The following PTCH1 variants were observed in gnomAD, a reference collection of about 807,000 sequenced individuals.
PTCH1 encodes protein patched homolog 1.
In PTCH1, 14 loss-of-function variants were observed where a neutral mutation model predicts 144.6. That is an observed-to-expected ratio of 0.10 (90% CI 0.06 to 0.15). PTCH1 has a LOEUF of 0.15. PTCH1 is among the 10% of genes least tolerant of loss of function. The pLI is 1.00. For synonymous variants in PTCH1, 833 were observed against 793.6 expected (o/e 1.05, Z -0.83); for missense variants, 1,623 against 1,948.3 (o/e 0.83, Z 3.14).
At position 95,508,483 on chromosome 9, in the gene PTCH1, C is replaced by T. The variant is rs980754274; in HGVS notation, c.-122G>A. 3.1e-5 allele frequency: 32 copies of T among 1,020,964 alleles called. No homozygotes were observed. In the Middle Eastern group the frequency reaches 1.4e-3, roughly 45 times the overall value. 63.2% of individuals were successfully genotyped at this position (1,020,964 alleles called of 1,614,324 possible). A position where few individuals can be genotyped will look rare whatever the true frequency, so the allele number is the denominator to read the frequency against. The stretch of plus-strand genomic sequence containing the variant: ...CTCGGCTTGCGAGGACGCTGCTGGC[C>T]GCAGGCTGCTCGGGCTCGGGCTCCG... On this transcript the variant is annotated 5_prime_UTR_variant, in exon 1 of 24. Transcript: ENST00000331920.
chr9:95,449,584 AG>A lies in PTCH1; in HGVS notation c.3549+256del, dbSNP rs36075944. 1.6e-6 allele frequency: 1 copy of A among 633,550 alleles called. No homozygotes were observed. Among genetic ancestry groups the A allele is most frequent in the East Asian group, 2.7e-5 (1 of 36,664 alleles). The allele number at this position is 633,550 out of a possible 1,614,324, so 39.2% of individuals were successfully genotyped here. A position where few individuals can be genotyped will look rare whatever the true frequency, so the allele number is the denominator to read the frequency against. On this transcript the variant is annotated intron_variant, in intron 21 of 23. Coordinates refer to ENST00000331920, the MANE Select transcript of PTCH1 (RefSeq NM_000264.5). This position sits in a 1 kb window ranked among gnomAD's most constrained non-coding sequence, Gnocchi z 5.3. ...TTGTGAAGTCCAATTATGCATCTCA[AG>A]GGGAAAGTCTTCATTTACTGTATAA... is the stretch of plus-strand genomic sequence containing the variant.
At chr9:95,494,222 C>G (rs1842643533) in intron 2 of PTCH1, 1 of 985,688 alleles carries the variant, frequency 1.0e-6, no homozygotes, top group Non-Finnish European at 1.2e-6. Context: ...ATCAGCCTTG[C>G]CCAGGCTGCT....
At chr9:95,457,527 CA>C (rs1193889242) in intron 18 of PTCH1, among the ~76,000 whole-genome samples, 3 of 152,074 alleles carry the variant, frequency 2.0e-5, no homozygotes, top group Non-Finnish European at 4.4e-5. Flanking sequence ...TGCCAAAAAA[CA>C]GGTTCGTAAT....
chr9:95,515,301 C>T (rs1215012402), intron 1 of PTCH1, among the ~76,000 whole-genome samples: 1 of 152,166 alleles, frequency 6.6e-6, no homozygotes, highest in African/African-American at 2.4e-5. Context: ...TATTTAGAGC[C>T]ACCCATTGTG....
intron 2 of PTCH1, among the ~76,000 whole-genome samples, chr9:95,491,422 T>C (rs1842401056): frequency 6.6e-6 from 1 of 152,200 alleles, no homozygotes; most frequent in Non-Finnish European, 1.5e-5. Flanking sequence ...CTCACAGGAC[T>C]GTGAGAGCCT....
At chr9:95,483,131 G>C (rs1431618040) in intron 3 of PTCH1, 1 of 151,818 alleles carries the variant, frequency 6.6e-6, no homozygotes, top group Admixed American at 6.6e-5. Flanking sequence ...TGCCAGGCGT[G>C]GTGCCACACA....
At chr9:95,500,389 G>T (rs1022529074) in intron 2 of PTCH1, among the ~76,000 whole-genome samples, 4 of 152,156 alleles carry the variant, frequency 2.6e-5, no homozygotes, top group African/African-American at 9.7e-5. Flanking sequence ...AAATATGAAA[G>T]AAATATCACA....
At chr9:95,511,636 A>G (rs974220143), upstream of PTCH1, among the ~76,000 whole-genome samples, 6 of 152,240 alleles carry the variant, frequency 3.9e-5, no homozygotes, top group Non-Finnish European at 8.8e-5. Context: ...GAGGAAAATG[A>G]CACTGAGTTG....
intron 2 of PTCH1, among the ~76,000 whole-genome samples, chr9:95,497,721 A>G (rs1438595279): frequency 6.6e-6 from 1 of 152,172 alleles, no homozygotes; most frequent in Non-Finnish European, 1.5e-5. Context: ...ATCTGACCCA[A>G]TGAAGCAACA....
rs542643294 is a variant in PTCH1 at position 95,455,576 on chromosome 9, C to T, written c.3306+700G>A. Among the ~76,000 whole-genome samples the T allele has an allele frequency of 6.6e-5, 10 of 152,286 alleles. No individual in the cohort carries two copies. The South Asian group carries it at 2.1e-3, about 32-fold the overall frequency. On this transcript the variant is annotated intron_variant, in intron 19 of 23. Transcript: ENST00000331920. Reference sequence around the variant, plus strand: ...GTATACAACAGATTTATCTCTTGGACTAAAGATTCCTTCTGAAGTTTAATT... The same window carrying T: ...GTATACAACAGATTTATCTCTTGGATTAAAGATTCCTTCTGAAGTTTAATT...
At chr9:95,516,547 T>C in exon 1 of PTCH1, 1 of 1,536,138 alleles carries the variant, frequency 6.5e-7, no homozygotes, top group Non-Finnish European at 8.7e-7. Flanking sequence ...CATCAATTCC[T>C]TTTTTTTCCC....
intron 20 of PTCH1, 157 bp from the exon 21 acceptor site, chr9:95,450,097 G>C (rs1838335357): frequency 1.4e-6 from 1 of 718,692 alleles, no homozygotes; most frequent in African/African-American, 1.8e-5. Context: ...TCAACACAAG[G>C]TGAGTTTTTG....
In PTCH1 at chr9:95,446,388, C is replaced by T. The variant is rs1307029080; in HGVS notation, c.*5G>A. Reference sequence around the variant, plus strand: ...TGGCCTCTTTGCTTCAGATTTTAATCACCCTTTAAAAGGAAGCAAAAAAGG... The same window carrying T: ...TGGCCTCTTTGCTTCAGATTTTAATTACCCTTTAAAAGGAAGCAAAAAAGG... On this transcript the variant is annotated 3_prime_UTR_variant, in exon 24 of 24. Coordinates refer to ENST00000331920, the MANE Select transcript of PTCH1 (RefSeq NM_000264.5). 3.9e-6 allele frequency: 2 copies of T among 518,726 alleles called. No homozygotes were observed. The highest frequency in any genetic ancestry group is 5.4e-5 in the East Asian group (1 of 18,364). The allele number at this position is 518,726 out of a possible 1,614,324, so 32.1% of individuals were successfully genotyped here. A position where few individuals can be genotyped will look rare whatever the true frequency, so the allele number is the denominator to read the frequency against.
chr9:95,495,428 T>C (rs79259394), intron 2 of PTCH1: 45 of 136,404 alleles, frequency 3.3e-4, no homozygotes, highest in African/African-American at 1.3e-3. Context: ...CATGTGATTC[T>C]TTTTTTTTTT....
chr9:95,496,910 C>T (rs970602423), intron 2 of PTCH1, among the ~76,000 whole-genome samples: 2 of 149,856 alleles, frequency 1.3e-5, no homozygotes, highest in Non-Finnish European at 3.0e-5. Flanking sequence ...AGTAAAGGAG[C>T]AGAGGAAATC....
chr9:95,484,315 T>C (rs1238212559), intron 3 of PTCH1: 1 of 152,206 alleles, frequency 6.6e-6, no homozygotes, highest in Admixed American at 6.5e-5. Context: ...TGATTTTACA[T>C]TTTCTAAGGC....
intron 3 of PTCH1, among the ~76,000 whole-genome samples, chr9:95,485,484 T>C (rs1841889522): frequency 6.6e-6 from 1 of 152,196 alleles, no homozygotes; most frequent in African/African-American, 2.4e-5. Context: ...CATTATCAAG[T>C]AATGCACTTG....
chr9:95,513,108 A>G (rs72754305), upstream of PTCH1, among the ~76,000 whole-genome samples: 20 of 152,316 alleles, frequency 1.3e-4, no homozygotes, highest in Non-Finnish European at 2.8e-4. Context: ...ATGACATCAG[A>G]TTATCCAAAT....
At chr9:95,511,634 T>C (rs1365215361), upstream of PTCH1, among the ~76,000 whole-genome samples, 3 of 152,284 alleles carry the variant, frequency 2.0e-5, no homozygotes, top group South Asian at 2.1e-4. Context: ...GCGAGGAAAA[T>C]GACACTGAGT....
Sources: allele counts gnomAD v4.1 joint callset (sites outside exome capture counted in the v4.1 genomes callset), GRCh38; gene constraint gnomAD v4.1.1; non-coding constraint Gnocchi (gnomAD v3.1); transcripts MANE v1.5; gene names NCBI Gene and HGNC (gene_info 2026-07-23, HGNC 2026-07-21).